The following ITPK1 variants were observed in gnomAD, a reference collection of about 807,000 sequenced individuals.
ITPK1 encodes inositol-tetrakisphosphate 1-kinase, also known as inositol 1,3,4-trisphosphate 5/6-kinase.
Under a neutral mutation model 45.3 loss-of-function variants are expected in ITPK1, and 21 were observed. The observed-to-expected ratio is 0.46, with a 90% CI of 0.33 to 0.67. The LOEUF is 0.67. Among genes scored for constraint, ITPK1 ranks in the 30% least tolerant of loss-of-function variants. ITPK1 has a pLI of 0.02. For missense variants in ITPK1, 474 were observed against 573.5 expected (o/e 0.83, Z 1.77); for synonymous variants, 258 against 253.6 (o/e 1.02, Z -0.16).
intron 3 of ITPK1, among the ~76,000 whole-genome samples, chr14:93,061,322 G>A (rs970077278): frequency 6.6e-6 from 1 of 152,218 alleles, no homozygotes; most frequent in Non-Finnish European, 1.5e-5. Flanking sequence ...CACCCTCGGT[G>A]CTGGGAAGAA....
At chr14:93,061,914 G>A (rs911202492) in intron 3 of ITPK1, among the ~76,000 whole-genome samples, 4 of 152,166 alleles carry the variant, frequency 2.6e-5, no homozygotes, top group African/African-American at 2.4e-5. Context: ...TTTAACAAAG[G>A]GGGAAGCTCT....
intron 3 of ITPK1, among the ~76,000 whole-genome samples, chr14:93,047,393 A>C (rs1889822028): frequency 6.6e-6 from 1 of 152,258 alleles, no homozygotes; most frequent in Non-Finnish European, 1.5e-5. Flanking sequence ...ACATGATCTT[A>C]CTTGAAAACA....
In ITPK1 at chr14:92,939,632, A is replaced by C; in HGVS notation, c.*1929T>G. On this transcript the variant is annotated 3_prime_UTR_variant, in exon 11 of 11. Coordinates refer to ENST00000267615, the MANE Select transcript of ITPK1 (RefSeq NM_014216.6). ...ACGGAGGCCTATGGACGCCACCACG[A>C]CACCACATGGCAGTTACTCGGTATC... The C allele has an allele frequency of 1.0e-6, 1 of 970,928 alleles. No individual in the cohort carries two copies. Among genetic ancestry groups the C allele is most frequent in the Non-Finnish European group, 1.2e-6 (1 of 817,446 alleles). The allele number at this position is 970,928 out of a possible 1,614,324, so 60.1% of individuals were successfully genotyped here. A position where few individuals can be genotyped will look rare whatever the true frequency, so the allele number is the denominator to read the frequency against.
intron 3 of ITPK1, among the ~76,000 whole-genome samples, chr14:93,058,703 A>T (rs868065100): frequency 1.1e-3 from 2 of 1,786 alleles, no homozygotes; most frequent in Non-Finnish European, 9.0e-4. Flanking sequence ...GAGGGGGTGC[A>T]GGTCACGAGG....
intron 5 of ITPK1, among the ~76,000 whole-genome samples, chr14:92,978,539 A>T (rs1190531679): frequency 6.6e-6 from 1 of 151,928 alleles, no homozygotes; most frequent in African/African-American, 2.4e-5. Context: ...ACAGGCCAGG[A>T]GGTCTAGAAG....
At chr14:93,074,165 G>A (rs1028540243) in intron 3 of ITPK1, among the ~76,000 whole-genome samples, 5 of 152,204 alleles carry the variant, frequency 3.3e-5, no homozygotes, top group Non-Finnish European at 7.3e-5. Flanking sequence ...TGAACAGAGA[G>A]GTATCGTGGT....
chr14:93,048,462 G>T (rs1216792835), intron 3 of ITPK1, among the ~76,000 whole-genome samples: 4 of 152,192 alleles, frequency 2.6e-5, no homozygotes, highest in African/African-American at 9.7e-5. Flanking sequence ...GTTTCAACAG[G>T]TTGACATCAG....
intron 5 of ITPK1, among the ~76,000 whole-genome samples, chr14:92,976,472 A>ACCCAGCTGAG: frequency 6.6e-6 from 1 of 152,288 alleles, no homozygotes; most frequent in Non-Finnish European, 1.5e-5. Context: ...TGGGAGAACC[A>ACCCAGCTGAG]CCCAGCTGAG....
At chr14:93,008,820 C>T (rs557486624) in intron 4 of ITPK1, among the ~76,000 whole-genome samples, 4 of 152,292 alleles carry the variant, frequency 2.6e-5, no homozygotes, top group South Asian at 2.1e-4. Flanking sequence ...TCCTTTCTGC[C>T]GCAGGTACTA....
At chr14:93,055,628 T>G (rs980066834) in intron 3 of ITPK1, among the ~76,000 whole-genome samples, 1 of 152,184 alleles carries the variant, frequency 6.6e-6, no homozygotes. Flanking sequence ...TGCACTCACC[T>G]GCGCATGAGC....
At chr14:93,005,397 AGTT>A (rs1287265519) in intron 4 of ITPK1, among the ~76,000 whole-genome samples, 1 of 152,174 alleles carries the variant, frequency 6.6e-6, no homozygotes, top group East Asian at 1.9e-4. Context: ...AGAAAAGTGA[AGTT>A]TGAGAACACA....
At chr14:93,010,611 C>T (rs999308770) in intron 4 of ITPK1, among the ~76,000 whole-genome samples, 2 of 152,238 alleles carry the variant, frequency 1.3e-5, no homozygotes, top group African/African-American at 4.8e-5. Flanking sequence ...ATGCATCTCC[C>T]GTTTGGGGAC....
At chr14:92,999,080 G>A (rs1595123694) in intron 4 of ITPK1, 1 of 152,236 alleles carries the variant, frequency 6.6e-6, no homozygotes, top group East Asian at 1.9e-4. Context: ...CAGATAAAGT[G>A]GACATCATGG....
chr14:93,067,419 CTT>C (rs547084977), intron 3 of ITPK1: 6 of 144,044 alleles, frequency 4.2e-5, no homozygotes, highest in Non-Finnish European at 4.6e-5. Flanking sequence ...GATGTGGGAA[CTT>C]TTTTTTTTTT....
intron 2 of ITPK1, among the ~76,000 whole-genome samples, chr14:93,106,135 C>G (rs570003731): frequency 6.6e-6 from 1 of 152,266 alleles, no homozygotes; most frequent in East Asian, 1.9e-4. Context: ...TAACCTGATT[C>G]TTGAGAAAGG....
intron 4 of ITPK1, among the ~76,000 whole-genome samples, chr14:92,995,588 G>A (rs1320142302): frequency 4.6e-5 from 7 of 152,134 alleles, no homozygotes; most frequent in South Asian, 2.1e-4. Flanking sequence ...AGTGGTGGCC[G>A]GCGTAACCTA....
At chr14:93,067,297 T>A (rs945456608) in intron 3 of ITPK1, among the ~76,000 whole-genome samples, 4 of 152,052 alleles carry the variant, frequency 2.6e-5, no homozygotes, top group Admixed American at 2.0e-4. Context: ...CCCTGCGTGG[T>A]GTGGTGAGGA....
At position 92,938,647 on chromosome 14, in the gene ITPK1, T is replaced by A. The variant is rs1887218865; in HGVS notation, c.*2914A>T. 1.3e-6 allele frequency: 1 copy of A among 792,730 alleles called. No homozygotes were observed. The highest frequency in any genetic ancestry group is 2.7e-5 in the East Asian group (1 of 37,608). The allele number at this position is 792,730 out of a possible 1,614,324, so 49.1% of individuals were successfully genotyped here. ...CCTGCCAGGTTGCAGCTGGGTCCAA[T>A]CCCGCCGGCCATGCTGGGTGACTGC... On this transcript the variant is annotated 3_prime_UTR_variant, in exon 11 of 11. Coordinates refer to ENST00000267615, the MANE Select transcript of ITPK1 (RefSeq NM_014216.6).
chr14:93,103,430 T>TAAG (rs755483949), intron 2 of ITPK1, among the ~76,000 whole-genome samples: 1 of 151,294 alleles, frequency 6.6e-6, no homozygotes, highest in Non-Finnish European at 1.5e-5. Context: ...AAAAAAAAAA[T>TAAG]AAGAAGAAGA....
Sources: gnomAD v4.1 joint callset for allele counts (sites outside exome capture counted in the v4.1 genomes callset) on GRCh38, gnomAD v4.1.1 for gene constraint, MANE v1.5 for transcripts, NCBI Gene and HGNC (gene_info 2026-07-23, HGNC 2026-07-21) for gene names.